The following OVCH1 variants were observed in gnomAD, a reference collection of about 807,000 sequenced individuals.
OVCH1 encodes the protein ovochymase-1.
In OVCH1, 139 loss-of-function variants were observed where a neutral mutation model predicts 138.4. The ratio of observed to expected loss-of-function variants is 1.00; its 90% confidence interval spans 0.87 to 1.16. The LOEUF (loss-of-function observed/expected upper bound fraction) is 1.16. Among genes scored for constraint, OVCH1 ranks in the 50% most tolerant of loss-of-function variants. The pLI, the probability that OVCH1 is intolerant of heterozygous loss-of-function variation, is 0.00. For synonymous variants in OVCH1, 453 were observed against 467.8 expected, an observed-to-expected ratio of 0.97 and a Z score of 0.41; for missense variants, 1,367 against 1,357.9, an observed-to-expected ratio of 1.01 and a Z score of -0.11.
At chr12:29,427,861 T>C (rs964710343) in intron 27 of OVCH1, among the ~76,000 whole-genome samples, 12 of 152,198 alleles carry the variant, frequency 7.9e-5, no homozygotes, top group African/African-American at 2.9e-4. Flanking sequence ...TTCACTGTTA[T>C]ATAGAATTAC....
intron 14 of OVCH1, 65 bp downstream of exon 14, chr12:29,474,996 A>C (rs1424259237): frequency 6.0e-6 from 9 of 1,498,958 alleles, no homozygotes; most frequent in African/African-American, 1.4e-5. Flanking sequence ...AAACATGGCT[A>C]AATTATCTTC....
At chr12:29,435,406 G>A (rs954713643) in intron 26 of OVCH1, among the ~76,000 whole-genome samples, 5 of 152,068 alleles carry the variant, frequency 3.3e-5, no homozygotes, top group Admixed American at 2.6e-4. Flanking sequence ...TCGCTCTGTC[G>A]TCCAGGCTGG....
At chr12:29,410,225 C>G (rs1233752418), downstream of OVCH1, among the ~76,000 whole-genome samples, 13 of 143,004 alleles carry the variant, frequency 9.1e-5, no homozygotes, top group East Asian at 2.6e-3. Flanking sequence ...GATGGGTTTC[C>G]TGAATACAGC....
At chr12:29,469,713 C>CT (rs1320624439) in intron 16 of OVCH1, among the ~76,000 whole-genome samples, 1 of 117,370 alleles carries the variant, frequency 8.5e-6, no homozygotes, top group Non-Finnish European at 1.8e-5. Flanking sequence ...GACCCCGTGT[C>CT]TTAAAAAAAA....
chr12:29,477,905 A>G (rs908923000), intron 9 of OVCH1, among the ~76,000 whole-genome samples: 1 of 152,256 alleles, frequency 6.6e-6, no homozygotes, highest in Non-Finnish European at 1.5e-5. Context: ...GCTATGATAT[A>G]TACAGTTAAT....
chr12:29,411,788 T>C, downstream of OVCH1, among the ~76,000 whole-genome samples: 1 of 151,612 alleles, frequency 6.6e-6, no homozygotes, highest in East Asian at 1.9e-4. Flanking sequence ...GTCTGCCTGT[T>C]CTCAGATATC....
At chr12:29,448,614 C>G (rs1415477481) in intron 22 of OVCH1, among the ~76,000 whole-genome samples, 2 of 151,886 alleles carry the variant, frequency 1.3e-5, no homozygotes, top group Non-Finnish European at 2.9e-5. Context: ...TGCAAGAAGC[C>G]CTGGAGCAGT....
At chr12:29,461,301 T>C (rs148401458) in intron 19 of OVCH1, among the ~76,000 whole-genome samples, 34 of 152,306 alleles carry the variant, frequency 2.2e-4, no homozygotes, top group African/African-American at 7.7e-4. Context: ...TCCATTGACT[T>C]TGTGAAGGTT....
chr12:29,436,899 C>T (rs1162543266), intron 26 of OVCH1, among the ~76,000 whole-genome samples: 1 of 152,172 alleles, frequency 6.6e-6, no homozygotes, highest in East Asian at 1.9e-4. Flanking sequence ...AACAAAGCTT[C>T]CACAGCATGG....
At chr12:29,488,604 G>A (rs10843432) in intron 6 of OVCH1, among the ~76,000 whole-genome samples, 54,853 of 123,750 alleles carry the variant, frequency 0.44, 11,437 homozygotes, top group East Asian at 0.62. Flanking sequence ...CTGGGCAACA[G>A]AGTGAGACTC....
At chr12:29,495,505 A>G (rs909533216) in intron 3 of OVCH1, 48 bp from the exon 4 acceptor site, 1 of 1,528,688 alleles carries the variant, frequency 6.5e-7, no homozygotes, top group Admixed American at 1.9e-5. Flanking sequence ...CCCCTACGCA[A>G]GTCTTCTTGG....
At chr12:29,411,330 G>A (rs192555026), downstream of OVCH1, among the ~76,000 whole-genome samples, 55 of 150,996 alleles carry the variant, frequency 3.6e-4, no homozygotes, top group Middle Eastern at 3.4e-3. Flanking sequence ...ATCCAGCTTC[G>A]TTCCATTGCT....
chr12:29,405,466 A>C, the OVCH1 span, among the ~76,000 whole-genome samples: 1 of 152,196 alleles, frequency 6.6e-6, no homozygotes, highest in Non-Finnish European at 1.5e-5. Flanking sequence ...TTCATCCTCT[A>C]GCACAAAAAG....
At chr12:29,438,077 ATTAAT>A (rs1319847363) in intron 26 of OVCH1, among the ~76,000 whole-genome samples, 4 of 152,126 alleles carry the variant, frequency 2.6e-5, no homozygotes, top group African/African-American at 7.2e-5. Flanking sequence ...ACAGGAACTT[ATTAAT>A]TTGTTTTCTT....
chr12:29,405,426 T>TATA, the OVCH1 span, among the ~76,000 whole-genome samples: 1 of 152,162 alleles, frequency 6.6e-6, no homozygotes, highest in African/African-American at 2.4e-5. Context: ...TGCCAAGAGG[T>TATA]ACCTTTGCCT....
chr12:29,435,549 T>C (rs1413973755), intron 26 of OVCH1, among the ~76,000 whole-genome samples: 2 of 152,040 alleles, frequency 1.3e-5, no homozygotes, highest in Admixed American at 6.5e-5. Flanking sequence ...AGAGACAGGG[T>C]TTCACTGTGT....
chr12:29,468,039 A>G (rs928542373), intron 16 of OVCH1, among the ~76,000 whole-genome samples: 3 of 152,168 alleles, frequency 2.0e-5, no homozygotes, highest in Non-Finnish European at 2.9e-5. Context: ...GTGAAGTATT[A>G]AAAAATGTGG....
chr12:29,431,434 C>CA (rs956592798), intron 27 of OVCH1, among the ~76,000 whole-genome samples: 99 of 148,504 alleles, frequency 6.7e-4, no homozygotes, highest in African/African-American at 1.4e-3. Flanking sequence ...GACCCTGTCT[C>CA]AAAAAAAAAA....
At chr12:29,451,484 T>C in exon 22 of OVCH1, 1 of 1,613,326 alleles carries the variant, frequency 6.2e-7, no homozygotes, top group Non-Finnish European at 8.5e-7. Flanking sequence ...CCCAAGAACA[T>C]TCCAGTCTTC....
Sources: gnomAD v4.1 joint callset for allele counts (sites outside exome capture counted in the v4.1 genomes callset) on GRCh38, gnomAD v4.1.1 for gene constraint, MANE v1.5 for transcripts, NCBI Gene and HGNC (gene_info 2026-07-23, HGNC 2026-07-21) for gene names.